The following STXBP5L variants were observed in gnomAD, a reference collection of about 807,000 sequenced individuals.
The protein encoded by STXBP5L is syntaxin-binding protein 5-like.
Under a neutral mutation model 144.5 loss-of-function variants are expected in STXBP5L, and 65 were observed. The ratio of observed to expected loss-of-function variants is 0.45; its 90% CI spans 0.37 to 0.55. STXBP5L has a LOEUF of 0.55. Ranked by LOEUF, STXBP5L falls within the 20% of genes least tolerant of loss-of-function variation. STXBP5L has a pLI of 0.00. For missense variants in STXBP5L, 1,298 were observed against 1,405.5 expected, an observed-to-expected ratio of 0.92 and a Z score of 1.22; for synonymous variants, 505 against 469.6, an observed-to-expected ratio of 1.08 and a Z score of -0.97.
intron 19 of STXBP5L, among the ~76,000 whole-genome samples, chr3:121,312,063 G>T (rs897643008): frequency 1.3e-5 from 2 of 152,102 alleles, no homozygotes; most frequent in Non-Finnish European, 2.9e-5. Flanking sequence ...TCTGATCTTT[G>T]ACAAACCTGA....
chr3:121,134,396 A>T (rs1357946584), intron 7 of STXBP5L, among the ~76,000 whole-genome samples: 1 of 151,966 alleles, frequency 6.6e-6, no homozygotes, highest in African/African-American at 2.4e-5. Flanking sequence ...GCTACATTGG[A>T]GATTAAATTT....
intron 9 of STXBP5L, among the ~76,000 whole-genome samples, chr3:121,177,184 C>T (rs1455964542): frequency 2.0e-5 from 3 of 152,012 alleles, no homozygotes; most frequent in Non-Finnish European, 2.9e-5. Flanking sequence ...AACAAAGACA[C>T]TGTAAAATAA....
At chr3:121,344,618 C>T (rs1362152250) in intron 20 of STXBP5L, among the ~76,000 whole-genome samples, 1 of 151,794 alleles carries the variant, frequency 6.6e-6, no homozygotes, top group African/African-American at 2.4e-5. Context: ...AAATCCACGA[C>T]AATACAAATA....
intron 10 of STXBP5L, among the ~76,000 whole-genome samples, chr3:121,216,634 G>A (rs2048786415): frequency 6.6e-6 from 1 of 152,186 alleles, no homozygotes; most frequent in Non-Finnish European, 1.5e-5. Context: ...CTGCTGGGTT[G>A]TGTCTCCCAA....
Position 121,278,720 on chromosome 3 carries a change from A to G in STXBP5L, c.1959-1085A>G, listed in dbSNP as rs1172683631. Among the ~76,000 whole-genome samples the G allele has an allele frequency of 3.3e-5, 5 of 151,964 alleles. No individual in the cohort carries two copies. The South Asian group carries it at 1.0e-3, about 31-fold the overall frequency. On this transcript the variant is annotated intron_variant, in intron 18 of 26. Coordinates refer to ENST00000471454, the MANE Select transcript of STXBP5L (RefSeq NM_001308330.2). ...TAAATGTAGAAGTGTAATTATCATT[A>G]TAAAGAAGCTAAGGCCAAGCAAGAT...
At chr3:120,992,072 A>T (rs1337932966) in intron 3 of STXBP5L, among the ~76,000 whole-genome samples, 1 of 152,040 alleles carries the variant, frequency 6.6e-6, no homozygotes, top group Non-Finnish European at 1.5e-5. Context: ...ATTTGAAATG[A>T]TTTATTGTAG....
chr3:121,297,546 G>T (rs1329352780), intron 19 of STXBP5L, among the ~76,000 whole-genome samples: 1 of 152,106 alleles, frequency 6.6e-6, no homozygotes, highest in Non-Finnish European at 1.5e-5. Flanking sequence ...CTGAGGTCAG[G>T]AGGTCCAGAC....
chr3:120,992,732 T>G (rs1943024762), intron 3 of STXBP5L, among the ~76,000 whole-genome samples: 1 of 152,164 alleles, frequency 6.6e-6, no homozygotes, highest in Non-Finnish European at 1.5e-5. Context: ...ATTCTATATC[T>G]TTGCATTTAT....
intron 5 of STXBP5L, among the ~76,000 whole-genome samples, chr3:121,077,384 T>C (rs7637229): frequency 0.099 from 15,099 of 152,122 alleles, 1,182 homozygotes; most frequent in Admixed American, 0.2. Flanking sequence ...GTTCGGAGTT[T>C]GTTCCTTCTG....
intron 5 of STXBP5L, among the ~76,000 whole-genome samples, chr3:121,093,248 C>G (rs1030215202): frequency 2.0e-5 from 3 of 152,106 alleles, no homozygotes; most frequent in Non-Finnish European, 4.4e-5. Flanking sequence ...TTGGTTTTGT[C>G]TCTGCCCGGC....
At chr3:120,967,321 C>A (rs555393909) in intron 3 of STXBP5L, among the ~76,000 whole-genome samples, 125 of 152,258 alleles carry the variant, frequency 8.2e-4, no homozygotes, top group Non-Finnish European at 1.5e-3. Context: ...TCCAACCAGT[C>A]CCAGTGAGAT....
intron 5 of STXBP5L, among the ~76,000 whole-genome samples, chr3:121,047,898 G>T (rs1297071443): frequency 1.3e-5 from 2 of 152,038 alleles, no homozygotes; most frequent in Admixed American, 1.3e-4. Flanking sequence ...CATGTTTCTA[G>T]CTGGCTATTG....
chr3:120,989,558 G>A (rs1044745484), intron 3 of STXBP5L, among the ~76,000 whole-genome samples: 27 of 152,114 alleles, frequency 1.8e-4, no homozygotes, highest in African/African-American at 6.0e-4. Flanking sequence ...TGCATAGTTT[G>A]CAAATATTTG....
chr3:120,962,033 A>C (rs556697873), intron 3 of STXBP5L, among the ~76,000 whole-genome samples: 1 of 152,288 alleles, frequency 6.6e-6, no homozygotes, highest in Non-Finnish European at 1.5e-5. Flanking sequence ...AGTGATGATG[A>C]GCATTTTTTC....
At chr3:121,354,957 G>A (rs2045448328) in intron 20 of STXBP5L, among the ~76,000 whole-genome samples, 1 of 152,106 alleles carries the variant, frequency 6.6e-6, no homozygotes, top group Non-Finnish European at 1.5e-5. Context: ...ATGAAGCTTA[G>A]TTTGGCTGGA....
At chr3:121,326,081 G>A (rs1338913551) in intron 20 of STXBP5L, among the ~76,000 whole-genome samples, 1 of 151,488 alleles carries the variant, frequency 6.6e-6, no homozygotes, top group Admixed American at 6.6e-5. Context: ...TAACAGAAAT[G>A]AAGTTTTATA....
At chr3:121,155,019 G>A (rs2046065313) in intron 8 of STXBP5L, among the ~76,000 whole-genome samples, 1 of 151,716 alleles carries the variant, frequency 6.6e-6, no homozygotes, top group Admixed American at 6.6e-5. Flanking sequence ...GACTATAAGA[G>A]CATTTTAACT....
chr3:121,041,790 TA>T lies in STXBP5L; in HGVS notation c.369+10del. ...AATTTTTGATCAATGAGGTAAGGATTATTTTTTGACTACTTAAATCACACAC... is the reference window on the plus strand; with the variant it reads ...AATTTTTGATCAATGAGGTAAGGATTTTTTTTGACTACTTAAATCACACAC... On this transcript the variant is annotated intron_variant, in intron 4 of 26. Transcript: ENST00000471454. 1 of 1,604,736 alleles carries T rather than the reference TA, an allele frequency of 6.2e-7. No individual in the cohort carries two copies. The highest frequency in any genetic ancestry group is 8.5e-7 in the Non-Finnish European group (1 of 1,172,064).
chr3:121,055,933 T>A (rs1948429954), intron 5 of STXBP5L, among the ~76,000 whole-genome samples: 1 of 151,190 alleles, frequency 6.6e-6, no homozygotes, highest in Non-Finnish European at 1.5e-5. Context: ...GCTCAAGCAA[T>A]CCTCCCACCT....
Sources: allele counts gnomAD v4.1 joint callset (sites outside exome capture counted in the v4.1 genomes callset), GRCh38; gene constraint gnomAD v4.1.1; transcripts MANE v1.5; gene names NCBI Gene and HGNC (gene_info 2026-07-23, HGNC 2026-07-21).